RIN2: variants seen among roughly 807,000 people sequenced by gnomAD.
RIN2 encodes the protein Ras and Rab interactor 2.
In RIN2, 36 loss-of-function variants were observed where a neutral mutation model predicts 78.0. That is an observed-to-expected ratio of 0.46 (90% CI 0.35 to 0.61). RIN2 has a LOEUF of 0.61. RIN2 is among the 20% of genes least tolerant of loss of function. The pLI is 0.00. For missense variants in RIN2, 1,087 were observed against 1,159.7 expected (o/e 0.94, Z 0.91); for synonymous variants, 466 against 466.8 (o/e 1.00, Z 0.02).
At chr20:19,846,496 TG>T (rs2036788632) in intron 2 of RIN2, among the ~76,000 whole-genome samples, 1 of 152,210 alleles carries the variant, frequency 6.6e-6, no homozygotes, top group African/African-American at 2.4e-5. Flanking sequence ...CAATTGTGAA[TG>T]GGAGTTCACT....
At chr20:19,840,007 A>G (rs1373861677) in intron 2 of RIN2, among the ~76,000 whole-genome samples, 1 of 152,232 alleles carries the variant, frequency 6.6e-6, no homozygotes. Flanking sequence ...ACAATTGCCT[A>G]AAATTAATAT....
At chr20:19,860,820 A>G (rs902988666) in intron 2 of RIN2, among the ~76,000 whole-genome samples, 3 of 152,216 alleles carry the variant, frequency 2.0e-5, no homozygotes, top group African/African-American at 7.2e-5. Context: ...CAGAACAGAA[A>G]CCAAACTCTG....
chr20:19,844,005 A>C (rs2036658450), intron 2 of RIN2, among the ~76,000 whole-genome samples: 2 of 152,224 alleles, frequency 1.3e-5, no homozygotes, highest in African/African-American at 4.8e-5. Context: ...CAATCTTTAG[A>C]GTACAAATAC....
At chr20:19,895,413 C>G (rs1268919059) in intron 3 of RIN2, among the ~76,000 whole-genome samples, 3 of 152,194 alleles carry the variant, frequency 2.0e-5, no homozygotes, top group Non-Finnish European at 4.4e-5. Flanking sequence ...CCTGAGCAAG[C>G]CTGCCCTCCC....
intron 2 of RIN2, among the ~76,000 whole-genome samples, chr20:19,887,073 C>G (rs1488571168): frequency 1.3e-5 from 2 of 151,662 alleles, no homozygotes; most frequent in African/African-American, 4.8e-5. Flanking sequence ...TCGCTCAGGC[C>G]AAAGTGCAGT....
At chr20:20,000,578 T>C (rs958719861) in intron 12 of RIN2, 35 bp from the exon 13 acceptor site, 1 of 1,535,110 alleles carries the variant, frequency 6.5e-7, no homozygotes, top group Non-Finnish European at 8.9e-7. Context: ...TAGTTTTCTC[T>C]TCTGACTGTC....
chr20:19,832,449 A>T (rs1340273811), intron 2 of RIN2, among the ~76,000 whole-genome samples: 1 of 150,740 alleles, frequency 6.6e-6, no homozygotes, highest in South Asian at 2.1e-4. Flanking sequence ...TGGAAATAGT[A>T]AAAAAGACTC....
intron 4 of RIN2, among the ~76,000 whole-genome samples, chr20:19,946,131 T>C (rs912439915): frequency 6.6e-6 from 1 of 152,194 alleles, no homozygotes; most frequent in African/African-American, 2.4e-5. Context: ...AGACCTTTTA[T>C]TAATTCCTGC....
chr20:19,796,893 T>C (rs1367623157), intron 1 of RIN2, among the ~76,000 whole-genome samples: 1 of 152,236 alleles, frequency 6.6e-6, no homozygotes, highest in Non-Finnish European at 1.5e-5. Flanking sequence ...TTGCAAGGTA[T>C]GAAGATGGTC....
intron 2 of RIN2, among the ~76,000 whole-genome samples, chr20:19,821,453 A>G (rs759259783): frequency 5.3e-5 from 8 of 152,026 alleles, no homozygotes; most frequent in African/African-American, 1.9e-4. Flanking sequence ...TCTCCTACTC[A>G]GAAGTATTCA....
chr20:19,807,280 G>C (rs2035439729), intron 2 of RIN2, among the ~76,000 whole-genome samples: 1 of 152,222 alleles, frequency 6.6e-6, no homozygotes, highest in Non-Finnish European at 1.5e-5. Flanking sequence ...AGTTTCCACT[G>C]TTGACCTTGG....
chr20:19,832,492 C>A (rs1333253701), intron 2 of RIN2, among the ~76,000 whole-genome samples: 2 of 151,434 alleles, frequency 1.3e-5, no homozygotes, highest in Non-Finnish European at 1.5e-5. Flanking sequence ...GGCAAACCAA[C>A]CACTCTGTAG....
intron 4 of RIN2, among the ~76,000 whole-genome samples, chr20:19,948,194 C>T (rs1435140397): frequency 7.1e-5 from 9 of 126,256 alleles, no homozygotes; most frequent in Non-Finnish European, 9.2e-5. Context: ...CACAGACACA[C>T]GGAAGGGAGC....
At chr20:19,850,204 T>C (rs909222034) in intron 2 of RIN2, among the ~76,000 whole-genome samples, 6 of 152,196 alleles carry the variant, frequency 3.9e-5, no homozygotes, top group African/African-American at 1.4e-4. Flanking sequence ...CCCTCCATAC[T>C]TTTTCTGAGT....
At chr20:19,973,516 C>T (rs1336125227) in intron 8 of RIN2, among the ~76,000 whole-genome samples, 2 of 152,186 alleles carry the variant, frequency 1.3e-5, no homozygotes, top group East Asian at 3.9e-4. Context: ...AGGCCAGGCA[C>T]AGTGGCTCAC....
At chr20:19,967,806 C>G (rs1410904682) in intron 7 of RIN2, among the ~76,000 whole-genome samples, 1 of 152,166 alleles carries the variant, frequency 6.6e-6, no homozygotes, top group African/African-American at 2.4e-5. Context: ...TGCTTGTCCT[C>G]AGACCGGAAT....
At chr20:19,929,337 T>C (rs1342096516) in intron 3 of RIN2, among the ~76,000 whole-genome samples, 1 of 150,642 alleles carries the variant, frequency 6.6e-6, no homozygotes, top group Non-Finnish European at 1.5e-5. Context: ...TTTTTGTTTT[T>C]GGGTTTTGTT....
intron 1 of RIN2, among the ~76,000 whole-genome samples, chr20:19,764,617 G>A (rs1036787505): frequency 2.0e-5 from 3 of 152,174 alleles, no homozygotes; most frequent in Non-Finnish European, 4.4e-5. Context: ...AAATGTTTGT[G>A]CTTTTTCTTA....
chr20:19,939,506 T>C (rs1342869782), intron 4 of RIN2, among the ~76,000 whole-genome samples: 2 of 152,332 alleles, frequency 1.3e-5, no homozygotes. Context: ...GACACATCTC[T>C]CCTTTGTTCA....
Sources: allele counts gnomAD v4.1 joint callset (sites outside exome capture counted in the v4.1 genomes callset), GRCh38; gene constraint gnomAD v4.1.1; transcripts MANE v1.5; gene names NCBI Gene and HGNC (gene_info 2026-07-23, HGNC 2026-07-21).